The following STXBP5L variants were observed in gnomAD, a reference collection of about 807,000 sequenced individuals.
STXBP5L encodes the protein syntaxin binding protein 5L.
In STXBP5L, 65 loss-of-function variants were observed where a neutral mutation model predicts 144.5. The ratio of observed to expected loss-of-function variants is 0.45; its 90% CI spans 0.37 to 0.55. STXBP5L has a LOEUF of 0.55. Among genes scored for constraint, STXBP5L ranks in the 20% least tolerant of loss-of-function variants. The probability of loss-of-function intolerance (pLI) is 0.00; values close to 1 mark genes in which losing one functional copy is unlikely to be tolerated. For missense variants in STXBP5L, 1,298 were observed against 1,405.5 expected (o/e 0.92, Z 1.22); for synonymous variants, 505 against 469.6 (o/e 1.08, Z -0.97).
At chr3:121,263,296 C>T (rs531454355) in intron 18 of STXBP5L, among the ~76,000 whole-genome samples, 1 of 152,256 alleles carries the variant, frequency 6.6e-6, no homozygotes, top group South Asian at 2.1e-4. Flanking sequence ...AGGACATTCA[C>T]ACAAAAACCC....
intron 2 of STXBP5L, among the ~76,000 whole-genome samples, chr3:120,953,393 A>C (rs1292367988): frequency 1.5e-5 from 2 of 136,120 alleles, no homozygotes; most frequent in Non-Finnish European, 3.1e-5. Flanking sequence ...TAGTGACATG[A>C]TCATGGCTCA....
intron 5 of STXBP5L, among the ~76,000 whole-genome samples, chr3:121,114,007 C>T (rs138570449): frequency 6.6e-6 from 1 of 152,170 alleles, no homozygotes; most frequent in African/African-American, 2.4e-5. Flanking sequence ...AAGACAATAT[C>T]ATATTGGAAA....
chr3:121,215,774 C>T (rs967600441), intron 10 of STXBP5L, among the ~76,000 whole-genome samples: 4 of 152,158 alleles, frequency 2.6e-5, no homozygotes. Flanking sequence ...GGAAGTTCTC[C>T]TGGATAATAT....
chr3:121,200,339 C>T (rs2048089674), intron 9 of STXBP5L, among the ~76,000 whole-genome samples: 1 of 152,130 alleles, frequency 6.6e-6, no homozygotes, highest in African/African-American at 2.4e-5. Context: ...TCCCCTTTAT[C>T]ATTTCTTATT....
At chr3:121,093,434 T>G (rs2042935453) in intron 5 of STXBP5L, among the ~76,000 whole-genome samples, 1 of 152,180 alleles carries the variant, frequency 6.6e-6, no homozygotes, top group South Asian at 2.1e-4. Context: ...CTATTGATTA[T>G]TGCCACAATT....
intron 19 of STXBP5L, among the ~76,000 whole-genome samples, chr3:121,287,142 AG>A (rs2051259680): frequency 6.6e-6 from 1 of 152,364 alleles, no homozygotes; most frequent in African/African-American, 2.4e-5. Context: ...ACTCAAATAA[AG>A]GAAATAGTGC....
At chr3:121,119,284 A>G (rs765968941) in intron 6 of STXBP5L, among the ~76,000 whole-genome samples, 13 of 151,436 alleles carry the variant, frequency 8.6e-5, no homozygotes, top group Non-Finnish European at 1.8e-4. Context: ...TAGGTGGGTA[A>G]TGTGCTATCC....
chr3:121,337,697 A>G (rs2044558727), intron 20 of STXBP5L, among the ~76,000 whole-genome samples: 1 of 152,138 alleles, frequency 6.6e-6, no homozygotes, highest in Non-Finnish European at 1.5e-5. Context: ...ACTGCATTCT[A>G]GAACAAATAT....
chr3:121,386,946 T>A (rs2046441244), intron 22 of STXBP5L, among the ~76,000 whole-genome samples: 1 of 152,214 alleles, frequency 6.6e-6, no homozygotes. Context: ...GGTCAAATGG[T>A]AATTCTAGTT....
chr3:121,122,032 C>G (rs2044489943), intron 7 of STXBP5L, among the ~76,000 whole-genome samples: 1 of 150,814 alleles, frequency 6.6e-6, no homozygotes, highest in South Asian at 2.1e-4. Context: ...GCCTTTGTTA[C>G]TCAGTTTGGT....
chr3:121,101,903 C>A (rs902389008), intron 5 of STXBP5L, among the ~76,000 whole-genome samples: 3 of 151,286 alleles, frequency 2.0e-5, no homozygotes, highest in Non-Finnish European at 4.4e-5. Flanking sequence ...AAGTCAGTAG[C>A]ATTTCTATCT....
chr3:121,036,453 C>T lies in STXBP5L; in HGVS notation c.288-5247C>T, dbSNP rs57989518. Among the ~76,000 whole-genome samples the T allele has an allele frequency of 2.5e-3, 378 of 152,118 alleles. 2 individuals carry two copies. The highest frequency in any genetic ancestry group is 8.5e-3 in the African/African-American group (355 of 41,522). On this transcript the variant is annotated intron_variant, in intron 3 of 26. Transcript: ENST00000471454. ...CTGCAAATAGAGTTGTCTTCCTTTC[C>T]AGCCTGCATGCTTTTTATTTTTCTC...
At chr3:121,018,466 G>A (rs1383062519) in intron 3 of STXBP5L, among the ~76,000 whole-genome samples, 1 of 151,084 alleles carries the variant, frequency 6.6e-6, no homozygotes, top group Admixed American at 6.6e-5. Context: ...GCAATTCAGT[G>A]GGGGAAAGTA....
intron 3 of STXBP5L, among the ~76,000 whole-genome samples, chr3:120,976,966 T>C (rs9845975): frequency 0.098 from 14,923 of 151,840 alleles, 1,149 homozygotes; most frequent in Admixed American, 0.2. Context: ...TACTTCCAAC[T>C]ATGTGGTCAA....
chr3:121,371,402 C>T (rs1191694639), intron 20 of STXBP5L, among the ~76,000 whole-genome samples: 7 of 152,226 alleles, frequency 4.6e-5, no homozygotes, highest in Non-Finnish European at 8.8e-5. Flanking sequence ...GCCAGAGTGT[C>T]CTGGCCACTG....
At chr3:121,094,869 G>A (rs1403082486) in intron 5 of STXBP5L, among the ~76,000 whole-genome samples, 4 of 152,016 alleles carry the variant, frequency 2.6e-5, no homozygotes, top group Admixed American at 1.3e-4. Flanking sequence ...TCCTAGTCTC[G>A]ATGGTCTTTA....
intron 3 of STXBP5L, among the ~76,000 whole-genome samples, chr3:121,022,796 A>G (rs1395551083): frequency 6.6e-6 from 1 of 152,176 alleles, no homozygotes; most frequent in Non-Finnish European, 1.5e-5. Flanking sequence ...CACAGCCAAC[A>G]TTATACTGAA....
At chr3:121,167,543 G>C (rs1246314239) in intron 9 of STXBP5L, among the ~76,000 whole-genome samples, 1 of 152,102 alleles carries the variant, frequency 6.6e-6, no homozygotes, top group African/African-American at 2.4e-5. Context: ...TCCCCTCAGA[G>C]TGTAAACAAA....
intron 3 of STXBP5L, among the ~76,000 whole-genome samples, chr3:121,037,807 G>C (rs891548768): frequency 6.6e-6 from 1 of 151,790 alleles, no homozygotes; most frequent in African/African-American, 2.4e-5. Flanking sequence ...AGTTTTCTTT[G>C]AGGAAATAAT....
Sources: allele counts gnomAD v4.1 joint callset (sites outside exome capture counted in the v4.1 genomes callset), GRCh38; gene constraint gnomAD v4.1.1; transcripts MANE v1.5; gene names NCBI Gene and HGNC (gene_info 2026-07-23, HGNC 2026-07-21).